Variants in LRRC71 observed in about 807,000 individuals in gnomAD.
The protein encoded by LRRC71 is leucine rich repeat containing 71, also known as leucine-rich repeat-containing protein 71.
LRRC71 carries 54 observed loss-of-function variants against 66.6 expected under a neutral mutation model. The ratio of observed to expected loss-of-function variants is 0.81; its 90% CI spans 0.65 to 1.02. The LOEUF (loss-of-function observed/expected upper bound fraction) is 1.02. Among genes scored for constraint, LRRC71 ranks in the 50% least tolerant of loss-of-function variants. The pLI is 0.00. For synonymous variants in LRRC71, 323 were observed against 303.9 expected (o/e 1.06, Z -0.65); for missense variants, 724 against 718.0 (o/e 1.01, Z -0.10).
At position 156,927,592 on chromosome 1, in the gene LRRC71, C is replaced by T. The variant is rs1232051483; in HGVS notation, c.759C>T (p.Thr253=). The change falls in exon 7 of 15, where the codon ACC becomes ACT. Residue 253 remains threonine, a synonymous_variant. Coordinates refer to ENST00000337428, the MANE Select transcript of LRRC71 (RefSeq NM_144702.3). The part of the protein sequence containing the change: ...ALSTLHSCNR[T]LVSLNLGFNH... ...CCACGCTGCACAGCTGCAACCGGAC[C>T]CTCGTCTCGCTCAACCTGGGTTTCA... 1.3e-6 allele frequency: 2 copies of T among 1,599,298 alleles called. No individual in the cohort carries two copies. Among genetic ancestry groups the T allele is most frequent in the Non-Finnish European group, 1.7e-6 (2 of 1,172,646 alleles).
At chr1:156,938,433 C>T in the LRRC71 span, 1,344 of 1,613,700 alleles carry the variant, frequency 8.3e-4, no homozygotes, top group Middle Eastern at 1.5e-3. Context: ...GCCTTTGTTC[C>T]GCCTTCCACT....
intron 3 of LRRC71, 23 bp downstream of exon 3, chr1:156,924,575 GC>G: frequency 4.6e-6 from 4 of 878,670 alleles, no homozygotes; most frequent in Non-Finnish European, 6.9e-6. Context: ...CCCCCCACCC[GC>G]CCCAGCTCCC....
At chr1:156,932,200 T>G in intron 13 of LRRC71, 173 bp downstream of exon 13, 1 of 676,274 alleles carries the variant, frequency 1.5e-6, no homozygotes. Flanking sequence ...GTGCTGAGTC[T>G]GGGAGGAGGC....
chr1:156,925,198 C>G (rs940671606), intron 5 of LRRC71, among the ~76,000 whole-genome samples, 183 bp downstream of exon 5: 1 of 152,134 alleles, frequency 6.6e-6, no homozygotes, highest in African/African-American at 2.4e-5. Flanking sequence ...GAAGCCAGGT[C>G]CGCTTTTCTG....
chr1:156,924,173 C>G, intron 2 of LRRC71, 75 bp downstream of exon 2: 1 of 1,476,934 alleles, frequency 6.8e-7, no homozygotes, highest in Non-Finnish European at 9.2e-7. Flanking sequence ...CCACGCCGGG[C>G]CAAATGGAGG....
intron 6 of LRRC71, 49 bp from the exon 7 acceptor site, chr1:156,927,447 C>G: frequency 2.0e-6 from 3 of 1,517,800 alleles, no homozygotes; most frequent in Non-Finnish European, 2.6e-6. Flanking sequence ...TTCCGGCGGA[C>G]GCCCTGTACC....
At chr1:156,937,697 T>C (rs1320204180), downstream of LRRC71, among the ~76,000 whole-genome samples, 1 of 152,136 alleles carries the variant, frequency 6.6e-6, no homozygotes, top group Non-Finnish European at 1.5e-5. Flanking sequence ...TGACACTTGC[T>C]CAGTCTGGCC....
intron 9 of LRRC71, 130 bp from the exon 10 acceptor site, chr1:156,929,150 G>A (rs1168695009): frequency 2.8e-6 from 3 of 1,071,968 alleles, no homozygotes; most frequent in Non-Finnish European, 3.9e-6. Context: ...TTAGCATTTA[G>A]GCAGGGAGGT....
In LRRC71 at chr1:156,933,054, CTCAG is replaced by C; in HGVS notation, c.*86_*89del. 2.2e-6 allele frequency: 2 copies of C among 912,996 alleles called. No individual in the cohort carries two copies. Among genetic ancestry groups the C allele is most frequent in the Non-Finnish European group, 3.4e-6 (2 of 596,370 alleles). The allele number at this position is 912,996 out of a possible 1,614,324, so 56.6% of individuals were successfully genotyped here. On this transcript the variant is annotated 3_prime_UTR_variant, in exon 15 of 15. Transcript: ENST00000337428. ...GTGGGGTGACCTCCCTGGGGGAGAT[CTCAG>C]ACCAATAACAAAGTCTGTTGCTATA...
At chr1:156,922,643 GTAC>G (rs903347279) in intron 1 of LRRC71, among the ~76,000 whole-genome samples, 2 of 152,220 alleles carry the variant, frequency 1.3e-5, no homozygotes, top group Admixed American at 6.5e-5. Context: ...CAGGCATGAA[GTAC>G]TACAGGGCAG....
At chr1:156,938,702 CGA>C in the LRRC71 span, 2 of 517,002 alleles carry the variant, frequency 3.9e-6, no homozygotes, top group Non-Finnish European at 3.4e-6. Flanking sequence ...ACCAATTCAC[CGA>C]GAGACAGAGA....
Position 156,931,261 on chromosome 1 carries a change from A to C in LRRC71, c.1329+644A>C, listed in dbSNP as rs549645573. Among the ~76,000 whole-genome samples the C allele has an allele frequency of 4.6e-5, 7 of 152,220 alleles. No individual in the cohort carries two copies. In the East Asian group the frequency reaches 1.2e-3, roughly 25 times the overall value. On this transcript the variant is annotated intron_variant, in intron 12 of 14. Coordinates refer to ENST00000337428, the MANE Select transcript of LRRC71 (RefSeq NM_144702.3). ...CTCTTTATTTTTCTCTTCCATTGGA[A>C]GACTCCCTGCACACCCTAGGCAGGG...
chr1:156,938,687 T>C, the LRRC71 span: 2 of 530,602 alleles, frequency 3.8e-6, no homozygotes, highest in Non-Finnish European at 6.6e-6. Flanking sequence ...TGCAGAGAAC[T>C]TTCCACCAAT....
At chr1:156,936,779 C>A, downstream of LRRC71, 1 of 1,591,026 alleles carries the variant, frequency 6.3e-7, no homozygotes, top group Non-Finnish European at 8.6e-7. Context: ...ACTTCTCCCC[C>A]AATGGTAGGA....
At chr1:156,936,978 G>A (rs773298947), downstream of LRRC71, 71 of 1,614,024 alleles carry the variant, frequency 4.4e-5, no homozygotes, top group Non-Finnish European at 5.8e-5. Context: ...AGGGACTTGA[G>A]CAGCTCTCTG....
intron 10 of LRRC71, 94 bp from the exon 11 acceptor site, chr1:156,929,542 T>A: frequency 6.5e-7 from 1 of 1,543,734 alleles, no homozygotes; most frequent in Non-Finnish European, 8.8e-7. Flanking sequence ...AAGTTCCCCC[T>A]AAGGCCCCGG....
At chr1:156,937,152 T>A, downstream of LRRC71, 1 of 1,584,348 alleles carries the variant, frequency 6.3e-7, no homozygotes, top group Non-Finnish European at 8.6e-7. Flanking sequence ...CAGGACAGGA[T>A]CTAGGGCTCC....
At chr1:156,938,026 C>T (rs1183183258), downstream of LRRC71, among the ~76,000 whole-genome samples, 3 of 152,182 alleles carry the variant, frequency 2.0e-5, no homozygotes, top group South Asian at 2.1e-4. Flanking sequence ...AGAGAACCAC[C>T]GCGGAATCTG....
the LRRC71 span, chr1:156,938,340 G>A: frequency 7.3e-7 from 1 of 1,367,338 alleles, no homozygotes; most frequent in African/African-American, 1.4e-5. Flanking sequence ...GTGACCATGG[G>A]CAGGGGTCCG....
Sources: gnomAD v4.1 joint callset for allele counts (sites outside exome capture counted in the v4.1 genomes callset) on GRCh38, gnomAD v4.1.1 for gene constraint, MANE v1.5 for transcripts, NCBI Gene and HGNC (gene_info 2026-07-23, HGNC 2026-07-21) for gene names.